Variants in MDGA2 observed in about 807,000 individuals in gnomAD.
MDGA2 encodes the protein MAM domain containing glycosylphosphatidylinositol anchor 2.
MDGA2 carries 40 observed loss-of-function variants against 117.8 expected under a neutral mutation model. That is an observed-to-expected ratio of 0.34 (90% CI 0.26 to 0.44). MDGA2 has a LOEUF of 0.44. Ranked by LOEUF, MDGA2 falls within the 20% of genes least tolerant of loss-of-function variation. The pLI is 1.00. For missense variants in MDGA2, 1,123 were observed against 1,250.6 expected (o/e 0.90, Z 1.54); for synonymous variants, 452 against 439.0 (o/e 1.03, Z -0.37).
At chr14:47,602,410 T>C (rs904582159) in intron 1 of MDGA2, among the ~76,000 whole-genome samples, 2 of 152,036 alleles carry the variant, frequency 1.3e-5, no homozygotes, top group East Asian at 1.9e-4. Context: ...ATTAAAACAG[T>C]AGAATAATTC....
At position 47,615,105 on chromosome 14, in the gene MDGA2, GTATTAT is replaced by G. The variant is rs61325731; in HGVS notation, c.280+59406_280+59411del. On this transcript the variant is annotated intron_variant, in intron 1 of 16. Coordinates refer to ENST00000399232, the MANE Select transcript of MDGA2 (RefSeq NM_001113498.3). ...AAATTTGATTCATATTCCTGATGTG[GTATTAT>G]TATTATTATTATTTGCCTTTATATT... Among the ~76,000 whole-genome samples, 4 of 151,046 alleles carry G rather than the reference GTATTAT, an allele frequency of 2.6e-5. No homozygotes were observed. In the South Asian group the frequency reaches 6.3e-4, roughly 24 times the overall value.
chr14:46,881,142 A>G (rs1226183394), intron 11 of MDGA2, among the ~76,000 whole-genome samples: 1 of 152,066 alleles, frequency 6.6e-6, no homozygotes, highest in African/African-American at 2.4e-5. Context: ...ATATGTATAT[A>G]AATAAACTGG....
At chr14:47,610,149 G>A (rs1360073244) in intron 1 of MDGA2, among the ~76,000 whole-genome samples, 2 of 152,012 alleles carry the variant, frequency 1.3e-5, no homozygotes, top group Non-Finnish European at 2.9e-5. Flanking sequence ...CAGCAAAATC[G>A]GCATAAAAGG....
intron 6 of MDGA2, among the ~76,000 whole-genome samples, chr14:47,065,614 G>A (rs1890052520): frequency 6.6e-6 from 1 of 152,164 alleles, no homozygotes; most frequent in South Asian, 2.1e-4. Flanking sequence ...AACGTACATT[G>A]TTTTGTTGGT....
At chr14:47,301,346 T>C (rs1889277447) in intron 2 of MDGA2, 65 bp downstream of exon 2, 26 of 1,517,564 alleles carry the variant, frequency 1.7e-5, no homozygotes, top group Non-Finnish European at 2.3e-5. Context: ...TTCTAAAATA[T>C]ACACTTTTTG....
intron 1 of MDGA2, chr14:47,306,030 T>A (rs1379418781): frequency 6.6e-6 from 1 of 152,188 alleles, no homozygotes; most frequent in African/African-American, 2.4e-5. Context: ...GTTTCTGAAA[T>A]AACCATGTAA....
At chr14:47,208,679 G>A (rs1885775534) in intron 3 of MDGA2, among the ~76,000 whole-genome samples, 1 of 151,876 alleles carries the variant, frequency 6.6e-6, no homozygotes, top group African/African-American at 2.4e-5. Context: ...GGCTGACTCA[G>A]CAGGAGCATC....
intron 8 of MDGA2, among the ~76,000 whole-genome samples, chr14:46,993,909 C>T (rs188450489): frequency 2.6e-5 from 4 of 152,180 alleles, no homozygotes; most frequent in East Asian, 1.9e-4. Context: ...CCATGTTATA[C>T]GTGATACAAG....
intron 1 of MDGA2, among the ~76,000 whole-genome samples, chr14:47,636,835 G>A (rs1298295773): frequency 2.0e-5 from 3 of 146,344 alleles, no homozygotes; most frequent in Non-Finnish European, 4.5e-5. Flanking sequence ...AGCTGGGCAT[G>A]GTGGAGCGTG....
intron 1 of MDGA2, among the ~76,000 whole-genome samples, chr14:47,639,331 C>T (rs1332969273): frequency 1.3e-5 from 2 of 152,136 alleles, no homozygotes; most frequent in Non-Finnish European, 1.5e-5. Flanking sequence ...CCTTACCATG[C>T]CTCATCCGCC....
intron 6 of MDGA2, among the ~76,000 whole-genome samples, chr14:47,073,530 C>T (rs958477945): frequency 6.6e-6 from 1 of 152,148 alleles, no homozygotes; most frequent in Non-Finnish European, 1.5e-5. Flanking sequence ...GCACTCACAG[C>T]ATGTCTATCA....
intron 10 of MDGA2, among the ~76,000 whole-genome samples, chr14:46,917,051 C>T (rs778345663): frequency 4.0e-5 from 6 of 150,764 alleles, no homozygotes; most frequent in Non-Finnish European, 7.4e-5. Context: ...CTGGAAAGAA[C>T]AGTATTAGTA....
chr14:47,153,717 A>T (rs150457877), intron 3 of MDGA2, among the ~76,000 whole-genome samples: 4,237 of 151,954 alleles, frequency 0.028, 177 homozygotes, highest in African/African-American at 0.097. Flanking sequence ...AATAAAAAAA[A>T]AAAAAAAACA....
intron 8 of MDGA2, among the ~76,000 whole-genome samples, chr14:46,992,054 T>C (rs532181317): frequency 4.6e-5 from 7 of 152,264 alleles, no homozygotes; most frequent in African/African-American, 1.7e-4. Context: ...TAATAAAAGC[T>C]ACGCCTAACA....
At chr14:47,190,843 G>T (rs1566673374) in intron 3 of MDGA2, among the ~76,000 whole-genome samples, 1 of 152,114 alleles carries the variant, frequency 6.6e-6, no homozygotes, top group African/African-American at 2.4e-5. Flanking sequence ...GGGTAACATA[G>T]TGGAAAATCC....
Position 47,590,531 on chromosome 14 carries a change from T to C in MDGA2, c.280+83986A>G, listed in dbSNP as rs564338538. On this transcript the variant is annotated intron_variant, in intron 1 of 16. Coordinates refer to ENST00000399232, the MANE Select transcript of MDGA2 (RefSeq NM_001113498.3). ...AAAAATTGGAGGTCTGTCTTCATTT[T>C]ATTAAATTTAATTATTAAAATACCA... Among the ~76,000 whole-genome samples, 4 of 152,076 alleles carry C rather than the reference T, an allele frequency of 2.6e-5. No individual in the cohort carries two copies. The East Asian group carries it at 7.7e-4, about 29-fold the overall frequency.
intron 12 of MDGA2, among the ~76,000 whole-genome samples, 170 bp downstream of exon 12, chr14:46,877,319 C>T (rs189307364): frequency 6.6e-6 from 1 of 151,636 alleles, no homozygotes; most frequent in Admixed American, 6.6e-5. Context: ...TATTTATACT[C>T]CTATCCTTTG....
chr14:47,181,040 G>A (rs1239885569), intron 3 of MDGA2, among the ~76,000 whole-genome samples: 1 of 152,114 alleles, frequency 6.6e-6, no homozygotes, highest in Admixed American at 6.6e-5. Context: ...AACCATTGTG[G>A]AAGACAGTGT....
intron 1 of MDGA2, among the ~76,000 whole-genome samples, chr14:47,633,857 T>A (rs1897279403): frequency 6.6e-6 from 1 of 152,132 alleles, no homozygotes; most frequent in Non-Finnish European, 1.5e-5. Flanking sequence ...AGCTAAAGGA[T>A]CCTGAGTTTT....
Sources: gnomAD v4.1 joint callset for allele counts (sites outside exome capture counted in the v4.1 genomes callset) on GRCh38, gnomAD v4.1.1 for gene constraint, MANE v1.5 for transcripts, NCBI Gene and HGNC (gene_info 2026-07-23, HGNC 2026-07-21) for gene names.